The following NUP210L variants were observed in gnomAD, a reference collection of about 807,000 sequenced individuals.
NUP210L encodes nucleoporin 210 like.
Under a neutral mutation model 208.5 loss-of-function variants are expected in NUP210L, and 74 were observed. The ratio of observed to expected loss-of-function variants is 0.35; its 90% CI spans 0.29 to 0.43. NUP210L has a LOEUF of 0.43. NUP210L is among the 20% of genes least tolerant of loss of function. The probability of loss-of-function intolerance (pLI) is 1.00; values close to 1 mark genes in which losing one functional copy is unlikely to be tolerated. For missense variants in NUP210L, 1,843 were observed against 2,289.4 expected (o/e 0.81, Z 3.98); for synonymous variants, 780 against 816.9 (o/e 0.95, Z 0.77).
chr1:153,992,824 C>T, exon 40 of NUP210L: 2 of 1,563,774 alleles, frequency 1.3e-6, no homozygotes, highest in Non-Finnish European at 1.7e-6. Context: ...AGAAACTTGT[C>T]CAAGCAGAGG....
At chr1:154,138,152 T>C in exon 6 of NUP210L, 1 of 1,533,570 alleles carries the variant, frequency 6.5e-7, no homozygotes, top group South Asian at 1.3e-5. Flanking sequence ...ATTTAATATA[T>C]GTTCCTACTA....
chr1:154,143,591 A>C lies in NUP210L; in HGVS notation c.341-14T>G, dbSNP rs779004122. ...CATGGTCAGTCACTACAATGAACCC[A>C]AAAACTGAGTATTTAATTCAATAGG... On this transcript the variant is annotated splice_polypyrimidine_tract_variant and intron_variant, in intron 2 of 39. Coordinates refer to ENST00000368559, the Ensembl canonical transcript of NUP210L. 6.2e-7 allele frequency: 1 copy of C among 1,603,034 alleles called. No homozygotes were observed. Among genetic ancestry groups the C allele is most frequent in the Non-Finnish European group, 8.5e-7 (1 of 1,173,506 alleles).
intron 16 of NUP210L, among the ~76,000 whole-genome samples, chr1:154,086,245 AAAAAC>A (rs1162414411): frequency 1.3e-5 from 2 of 151,858 alleles, no homozygotes; most frequent in Non-Finnish European, 2.9e-5. Context: ...AAGAAAAGAA[AAAAAC>A]AAAACAAAAC....
chr1:154,119,902 T>A (rs1395508731), intron 10 of NUP210L, among the ~76,000 whole-genome samples: 3 of 152,240 alleles, frequency 2.0e-5, no homozygotes, highest in Non-Finnish European at 4.4e-5. Flanking sequence ...CCTTTGGGTA[T>A]ATACCCAGTA....
At chr1:154,100,218 G>A in intron 13 of NUP210L, 75 bp from the exon 14 acceptor site, 2 of 1,399,920 alleles carry the variant, frequency 1.4e-6, no homozygotes. Context: ...GGGAGGCCAA[G>A]GCAGGAAGAT....
chr1:154,059,328 T>C (rs1654024298), intron 20 of NUP210L, among the ~76,000 whole-genome samples: 1 of 149,060 alleles, frequency 6.7e-6, no homozygotes, highest in African/African-American at 2.5e-5. Flanking sequence ...GAGTGAGACC[T>C]TGTCTCAAAA....
At chr1:154,111,687 G>A (rs1273051926) in intron 12 of NUP210L, among the ~76,000 whole-genome samples, 6 of 151,376 alleles carry the variant, frequency 4.0e-5, no homozygotes, top group Admixed American at 3.3e-4. Context: ...ATGGATTCAT[G>A]GCTAAATTTT....
intron 27 of NUP210L, among the ~76,000 whole-genome samples, chr1:154,032,018 C>A (rs750798380): frequency 6.6e-6 from 1 of 152,134 alleles, no homozygotes; most frequent in South Asian, 2.1e-4. Context: ...GTGTGAGTTA[C>A]GGCGCCCAGC....
chr1:154,145,462 T>C (rs147329049), intron 2 of NUP210L, among the ~76,000 whole-genome samples: 1 of 151,016 alleles, frequency 6.6e-6, no homozygotes, highest in East Asian at 1.9e-4. Flanking sequence ...AAGGAGAATG[T>C]TAATAGGATA....
chr1:154,136,653 G>A (rs948831941), intron 6 of NUP210L, among the ~76,000 whole-genome samples: 4 of 151,368 alleles, frequency 2.6e-5, no homozygotes, highest in Non-Finnish European at 5.9e-5. Context: ...AGGTGCGGTG[G>A]TTCACGCCTG....
chr1:154,051,918 G>A (rs1653523007), intron 25 of NUP210L, among the ~76,000 whole-genome samples: 1 of 152,154 alleles, frequency 6.6e-6, no homozygotes, highest in African/African-American at 2.4e-5. Context: ...TCTCTATATG[G>A]AATATTAAAC....
intron 16 of NUP210L, among the ~76,000 whole-genome samples, chr1:154,085,157 C>T (rs1418159917): frequency 6.8e-6 from 1 of 146,966 alleles, no homozygotes; most frequent in Non-Finnish European, 1.5e-5. Flanking sequence ...ACCATCCTGG[C>T]TAACAAGGTG....
intron 27 of NUP210L, among the ~76,000 whole-genome samples, chr1:154,035,034 G>T (rs1411896492): frequency 6.6e-6 from 1 of 151,852 alleles, no homozygotes; most frequent in Non-Finnish European, 1.5e-5. Flanking sequence ...TAGAGACGGG[G>T]TTTCACCATG....
At chr1:154,139,717 G>T in intron 5 of NUP210L, 85 bp downstream of exon 5, 1 of 942,124 alleles carries the variant, frequency 1.1e-6, no homozygotes, top group Non-Finnish European at 1.6e-6. Flanking sequence ...GGCGGGTAGT[G>T]CATTCTTGTA....
At chr1:154,042,478 G>C (rs772529618) in intron 27 of NUP210L, among the ~76,000 whole-genome samples, 1 of 152,086 alleles carries the variant, frequency 6.6e-6, no homozygotes, top group Non-Finnish European at 1.5e-5. Flanking sequence ...CCAGGCTGGA[G>C]TGCAGTGGCG....
chr1:154,057,071 CA>C (rs1324840422), intron 22 of NUP210L, 124 bp from the exon 23 acceptor site: 31 of 839,006 alleles, frequency 3.7e-5, no homozygotes, highest in Non-Finnish European at 5.2e-5. Context: ...CTCAACCTCC[CA>C]GACTCAATGT....
At chr1:154,030,562 T>A (rs1162754097) in intron 27 of NUP210L, among the ~76,000 whole-genome samples, 1 of 151,348 alleles carries the variant, frequency 6.6e-6, no homozygotes, top group Non-Finnish European at 1.5e-5. Context: ...CCTCTCAAAG[T>A]GCTGGGATTA....
intron 17 of NUP210L, among the ~76,000 whole-genome samples, chr1:154,063,029 C>T (rs1654220772): frequency 6.6e-6 from 1 of 152,162 alleles, no homozygotes; most frequent in Admixed American, 6.5e-5. Context: ...TGAGGGCCTA[C>T]TACATGCCAG....
rs905663325 is a variant in NUP210L at position 154,061,751 on chromosome 1, C to A, written c.2555-77G>T. 3.3e-6 allele frequency: 3 copies of A among 905,436 alleles called. No individual in the cohort carries two copies. The Admixed American group carries it at 6.7e-5, about 20-fold the overall frequency. 56.1% of individuals were successfully genotyped at this position (905,436 alleles called of 1,614,324 possible). ...GCAAGTGTTTCTAGAAAACCACATT[C>A]TGCCACAGTTTTTCCAAATGGTGCT... is the stretch of plus-strand genomic sequence containing the variant. On this transcript the variant is annotated intron_variant, in intron 17 of 39. Transcript: ENST00000368559.
Sources: allele counts gnomAD v4.1 joint callset (sites outside exome capture counted in the v4.1 genomes callset), GRCh38; gene constraint gnomAD v4.1.1; transcripts MANE v1.5; gene names NCBI Gene and HGNC (gene_info 2026-07-23, HGNC 2026-07-21).